Variants in SPMIP7 observed in about 807,000 individuals in gnomAD.
SPMIP7 encodes the protein protein SPMIP7.
chr7:50,146,447 T>C, the SPMIP7 span, among the ~76,000 whole-genome samples: 1 of 152,162 alleles, frequency 6.6e-6, no homozygotes, highest in African/African-American at 2.4e-5. Flanking sequence ...ATGGAAGAAT[T>C]GAAGATCCCA....
chr7:50,138,452 A>C, the SPMIP7 span, among the ~76,000 whole-genome samples: 1 of 152,228 alleles, frequency 6.6e-6, no homozygotes, highest in Admixed American at 6.5e-5. Flanking sequence ...CATACGAAAA[A>C]CACATGCCAC....
At chr7:50,097,468 T>C in the SPMIP7 span, among the ~76,000 whole-genome samples, 1 of 152,204 alleles carries the variant, frequency 6.6e-6, no homozygotes, top group African/African-American at 2.4e-5. Context: ...ATAGAGCTCA[T>C]CTGTCCCATG....
At chr7:50,156,083 C>T in the SPMIP7 span, among the ~76,000 whole-genome samples, 2 of 152,116 alleles carry the variant, frequency 1.3e-5, no homozygotes, top group African/African-American at 2.4e-5. Context: ...CATGAAAAAG[C>T]ATGGTGCGGA....
At chr7:50,125,152 ATATATATACACATATAT>A in the SPMIP7 span, among the ~76,000 whole-genome samples, 4 of 56,924 alleles carry the variant, frequency 7.0e-5, no homozygotes, top group Non-Finnish European at 9.7e-5. Flanking sequence ...ATATACACAC[ATATATATACACATATAT>A]ACACATATAT....
the SPMIP7 span, among the ~76,000 whole-genome samples, chr7:50,138,405 G>T: frequency 6.6e-6 from 1 of 152,148 alleles, no homozygotes; most frequent in Non-Finnish European, 1.5e-5. Flanking sequence ...ACTACCATGG[G>T]CAATTATGAA....
the SPMIP7 span, among the ~76,000 whole-genome samples, chr7:50,138,173 T>C: frequency 2.0e-5 from 3 of 152,182 alleles, no homozygotes; most frequent in African/African-American, 7.2e-5. Context: ...TTATTACTTA[T>C]GATAAGAGCT....
the SPMIP7 span, among the ~76,000 whole-genome samples, chr7:50,157,148 G>A: frequency 3.3e-5 from 5 of 152,188 alleles, no homozygotes; most frequent in East Asian, 3.8e-4. Context: ...TGGTTTGGAG[G>A]TTTTAAGTTG....
the SPMIP7 span, among the ~76,000 whole-genome samples, chr7:50,112,267 TA>T: frequency 3.0e-4 from 45 of 151,960 alleles, no homozygotes; most frequent in Non-Finnish European, 2.9e-4. Context: ...GAAGAAACAA[TA>T]TACATATAAT....
At chr7:50,108,646 A>G in the SPMIP7 span, among the ~76,000 whole-genome samples, 118,235 of 152,068 alleles carry the variant, frequency 0.78, 46,084 homozygotes, top group East Asian at 0.88. Context: ...TGATGACTCC[A>G]GCTGATGGGA....
the SPMIP7 span, among the ~76,000 whole-genome samples, chr7:50,158,241 C>G: frequency 6.6e-6 from 1 of 151,330 alleles, no homozygotes; most frequent in South Asian, 2.1e-4. Context: ...TGGGTGAAGC[C>G]TGGATCCCTC....
At chr7:50,128,489 AG>A in the SPMIP7 span, among the ~76,000 whole-genome samples, 1 of 152,056 alleles carries the variant, frequency 6.6e-6, no homozygotes, top group African/African-American at 2.4e-5. Context: ...CACAAAGAAA[AG>A]ATAGATATTT....
chr7:50,147,916 G>A, the SPMIP7 span, among the ~76,000 whole-genome samples: 75 of 152,292 alleles, frequency 4.9e-4, no homozygotes, highest in East Asian at 8.7e-3. Context: ...GGGTCTCTGC[G>A]TCTCTCTACT....
chr7:50,111,451 G>T, the SPMIP7 span, among the ~76,000 whole-genome samples: 2 of 152,094 alleles, frequency 1.3e-5, no homozygotes, highest in African/African-American at 4.8e-5. Flanking sequence ...ATGTAGATGG[G>T]TTCTCTACCT....
At chr7:50,113,722 G>T in the SPMIP7 span, among the ~76,000 whole-genome samples, 7 of 151,924 alleles carry the variant, frequency 4.6e-5, no homozygotes, top group African/African-American at 1.7e-4. Flanking sequence ...ATGCATTGGG[G>T]TCTCAGAATA....
the SPMIP7 span, among the ~76,000 whole-genome samples, chr7:50,139,346 T>A: frequency 2.8e-5 from 4 of 141,806 alleles, no homozygotes; most frequent in East Asian, 8.0e-4. Context: ...CGAGGCACCA[T>A]CTCAAAAAAA....
At chr7:50,125,097 T>TATATATATATATATATAC in the SPMIP7 span, among the ~76,000 whole-genome samples, 1 of 31,666 alleles carries the variant, frequency 3.2e-5, no homozygotes, top group East Asian at 2.8e-3. Flanking sequence ...AGATTAAGTA[T>TATATATATATATATATAC]ATATATATAT....
chr7:50,147,409 A>C, the SPMIP7 span, among the ~76,000 whole-genome samples: 1 of 152,288 alleles, frequency 6.6e-6, no homozygotes, highest in Admixed American at 6.5e-5. Context: ...TCTCTGTGTC[A>C]GTTTCTCCAT....
At chr7:50,125,549 A>G in the SPMIP7 span, among the ~76,000 whole-genome samples, 1 of 150,212 alleles carries the variant, frequency 6.7e-6, no homozygotes. Flanking sequence ...TTCCTACCTA[A>G]GTGTCCATAG....
chr7:50,098,301 C>A, the SPMIP7 span, among the ~76,000 whole-genome samples: 1 of 152,124 alleles, frequency 6.6e-6, no homozygotes, highest in Non-Finnish European at 1.5e-5. Context: ...TTATCATCTA[C>A]CAATTAACAA....
Sources: gnomAD v4.1 joint callset for allele counts (sites outside exome capture counted in the v4.1 genomes callset) on GRCh38, gnomAD v4.1.1 for gene constraint, MANE v1.5 for transcripts, NCBI Gene and HGNC (gene_info 2026-07-23, HGNC 2026-07-21) for gene names.